Variants in NLGN1 observed in about 807,000 individuals in gnomAD.
The protein encoded by NLGN1 is neuroligin 1.
Under a neutral mutation model 65.5 loss-of-function variants are expected in NLGN1, and 12 were observed. The ratio of observed to expected loss-of-function variants is 0.18; its 90% CI spans 0.12 to 0.30. NLGN1 has a LOEUF of 0.30. NLGN1 is among the 10% of genes least tolerant of loss of function. NLGN1 has a pLI of 1.00. For synonymous variants in NLGN1, 350 were observed against 359.5 expected, an observed-to-expected ratio of 0.97 and a Z score of 0.30; for missense variants, 750 against 1,007.1, an observed-to-expected ratio of 0.74 and a Z score of 3.46.
intron 3 of NLGN1, among the ~76,000 whole-genome samples, chr3:173,645,417 A>G (rs944775993): frequency 1.3e-5 from 2 of 152,112 alleles, no homozygotes; most frequent in African/African-American, 4.8e-5. Context: ...GCTTTCCTCC[A>G]CTATTCCCAC....
At chr3:173,662,691 A>G (rs1302813145) in intron 3 of NLGN1, among the ~76,000 whole-genome samples, 1 of 151,954 alleles carries the variant, frequency 6.6e-6, no homozygotes, top group Non-Finnish European at 1.5e-5. Flanking sequence ...TTTAACTCAT[A>G]TCAGTGGTTC....
chr3:173,668,822 C>T (rs1762073482), intron 3 of NLGN1, among the ~76,000 whole-genome samples: 1 of 151,942 alleles, frequency 6.6e-6, no homozygotes, highest in African/African-American at 2.4e-5. Context: ...CGGGGTTTCA[C>T]CATGTTGGTC....
intron 3 of NLGN1, among the ~76,000 whole-genome samples, chr3:173,642,429 A>G (rs142730497): frequency 5.3e-5 from 8 of 152,320 alleles, no homozygotes; most frequent in Non-Finnish European, 1.0e-4. Flanking sequence ...TTGAGTATTA[A>G]GCACCATGAT....
chr3:173,971,765 T>C (rs1332057789), intron 4 of NLGN1, among the ~76,000 whole-genome samples: 3 of 151,962 alleles, frequency 2.0e-5, no homozygotes, highest in Non-Finnish European at 2.9e-5. Context: ...AGCCAATACT[T>C]GTGTACATAT....
At chr3:174,277,577 T>C (rs1239414095) in intron 5 of NLGN1, among the ~76,000 whole-genome samples, 1 of 151,954 alleles carries the variant, frequency 6.6e-6, no homozygotes, top group Non-Finnish European at 1.5e-5. Context: ...AACAGCTACA[T>C]AATTTTAAAA....
chr3:174,148,289 G>T (rs1723713995), intron 4 of NLGN1, among the ~76,000 whole-genome samples: 1 of 152,092 alleles, frequency 6.6e-6, no homozygotes, highest in Non-Finnish European at 1.5e-5. Context: ...CGTAAAAGGG[G>T]ACACAATATG....
At chr3:174,263,470 T>G (rs1215899231) in intron 4 of NLGN1, among the ~76,000 whole-genome samples, 2 of 150,426 alleles carry the variant, frequency 1.3e-5, no homozygotes, top group African/African-American at 4.9e-5. Context: ...TCTTTGTTGG[T>G]TTAAAGTCTG....
At chr3:173,452,377 G>A (rs1045482163) in intron 2 of NLGN1, among the ~76,000 whole-genome samples, 6 of 151,996 alleles carry the variant, frequency 3.9e-5, no homozygotes, top group South Asian at 4.1e-4. Context: ...TGGTAGAGAC[G>A]GGGTTTCATC....
chr3:174,217,115 G>A (rs949006318), intron 4 of NLGN1, among the ~76,000 whole-genome samples: 10 of 151,980 alleles, frequency 6.6e-5, no homozygotes, highest in African/African-American at 1.4e-4. Context: ...TCTTTCTTCC[G>A]TTTTCCGGTT....
intron 2 of NLGN1, among the ~76,000 whole-genome samples, chr3:173,546,144 G>A (rs971629098): frequency 2.0e-5 from 3 of 152,220 alleles, no homozygotes; most frequent in Middle Eastern, 3.4e-3. Context: ...CTGATGGAAA[G>A]GAGTTCAAAT....
intron 1 of NLGN1, among the ~76,000 whole-genome samples, chr3:173,405,289 A>G (rs974104264): frequency 1.3e-5 from 2 of 152,102 alleles, no homozygotes; most frequent in Non-Finnish European, 2.9e-5. Context: ...TCAGACAACA[A>G]CCAGAACTCA....
At chr3:174,107,281 C>G (rs750457510) in intron 4 of NLGN1, among the ~76,000 whole-genome samples, 49 of 152,092 alleles carry the variant, frequency 3.2e-4, no homozygotes, top group Non-Finnish European at 6.5e-4. Context: ...TCCTCCAGCT[C>G]CACCCTCTCC....
intron 4 of NLGN1, among the ~76,000 whole-genome samples, chr3:173,913,666 A>G (rs1383825537): frequency 2.0e-5 from 3 of 152,154 alleles, no homozygotes; most frequent in Non-Finnish European, 4.4e-5. Context: ...GACAGGCCAC[A>G]TTTCACTTCA....
intron 4 of NLGN1, among the ~76,000 whole-genome samples, chr3:174,015,485 G>C (rs555419015): frequency 6.6e-6 from 1 of 152,120 alleles, no homozygotes; most frequent in Admixed American, 6.6e-5. Context: ...CTCTCATGAG[G>C]GCCCCATTTT....
intron 4 of NLGN1, among the ~76,000 whole-genome samples, chr3:174,199,148 G>A (rs1300643094): frequency 6.6e-6 from 1 of 152,040 alleles, no homozygotes; most frequent in Non-Finnish European, 1.5e-5. Context: ...CGCCCGTCCT[G>A]CATATTCTTA....
rs1578537151 is a variant in NLGN1, at chr3:173,807,544, A to G, written c.494-136A>G. ...GCTATTCATATGAGTTGCTTAAGAA[A>G]CACTTTAATAAAAACAGCAGTTTAA... On this transcript the variant is annotated intron_variant, in intron 3 of 6. Transcript: ENST00000457714. 5 of 908,532 alleles carry G rather than the reference A, an allele frequency of 5.5e-6. No homozygotes were observed. The East Asian group carries it at 1.3e-4, about 24-fold the overall frequency. 56.3% of individuals were successfully genotyped at this position (908,532 alleles called of 1,614,324 possible).
rs138166086 is a variant in NLGN1 at position 173,823,499 on chromosome 3, C to T, written c.646+15667C>T. Among the ~76,000 whole-genome samples the T allele has an allele frequency of 8.8e-3, 1,345 of 152,082 alleles. 3 individuals carry two copies. Among genetic ancestry groups the T allele is most frequent in the Middle Eastern group, 0.024 (7 of 294 alleles). On this transcript the variant is annotated intron_variant, in intron 4 of 6. Transcript: ENST00000457714. ...ACTTTATATTGTACTTACAAAACAT[C>T]TCAATTCACATGCTAAATCTTCAAC...
intron 2 of NLGN1, among the ~76,000 whole-genome samples, chr3:173,457,994 T>C (rs974213429): frequency 3.3e-5 from 5 of 152,088 alleles, no homozygotes; most frequent in Admixed American, 2.0e-4. Context: ...AGAATCCAAA[T>C]TGACATATTA....
At chr3:173,420,521 A>C (rs1351811702) in intron 1 of NLGN1, among the ~76,000 whole-genome samples, 3 of 152,204 alleles carry the variant, frequency 2.0e-5, no homozygotes, top group Non-Finnish European at 4.4e-5. Flanking sequence ...TATTGTGAAT[A>C]GTGCCGCAAT....
Sources: allele counts gnomAD v4.1 joint callset (sites outside exome capture counted in the v4.1 genomes callset), GRCh38; gene constraint gnomAD v4.1.1; transcripts MANE v1.5; gene names NCBI Gene and HGNC (gene_info 2026-07-23, HGNC 2026-07-21).